GLIS1: variants seen among roughly 807,000 people sequenced by gnomAD.
GLIS1 encodes GLIS family zinc finger 1.
Under a neutral mutation model 63.8 loss-of-function variants are expected in GLIS1, and 24 were observed. The ratio of observed to expected loss-of-function variants is 0.38; its 90% confidence interval spans 0.27 to 0.53. The LOEUF (loss-of-function observed/expected upper bound fraction) is 0.53, where lower values mean the gene tolerates loss of function less well. GLIS1 is among the 20% of genes least tolerant of loss of function. The pLI, the probability that GLIS1 is intolerant of heterozygous loss-of-function variation, is 0.85. For synonymous variants in GLIS1, 450 were observed against 482.5 expected, an observed-to-expected ratio of 0.93 and a Z score of 0.88; for missense variants, 1,036 against 1,074.1, an observed-to-expected ratio of 0.96 and a Z score of 0.50.
chr1:53,700,026 G>T (rs1780395), intron 2 of GLIS1, among the ~76,000 whole-genome samples: 77,175 of 151,976 alleles, frequency 0.51, 21,282 homozygotes, highest in Non-Finnish European at 0.61. Flanking sequence ...GAAGGGCTGG[G>T]ACTCAAATCC....
rs1424627817 is a variant in GLIS1, at chr1:53,594,613, A to G, written c.815T>C (p.Leu272Pro). The G allele has an allele frequency of 4.4e-6, 7 of 1,576,706 alleles. No individual in the cohort carries two copies. ...CCGGAGTCCATTTACACAGGTGACC[A>G]GAGACGTCTGGGAGGAGCGGATGAT... ...TSIIRSSQTS[L>P]VTCVNGLRSP... The change falls in exon 4 of 11, where the codon CTG (leucine) becomes CCG (proline). Residue 272 changes from leucine to proline, a missense_variant. By Grantham distance (98) the Leu-to-Pro change is moderately conservative. Transcript: ENST00000628545.
At position 53,682,029 on chromosome 1, in the gene GLIS1, C is replaced by T. The variant is rs571553223; in HGVS notation, c.259+55777G>A. ...AGTGTTCTTAATCTTTCAACTAATT[C>T]GTTGGCTCTTAGAAAATAAAGGAAA... On this transcript the variant is annotated intron_variant, in intron 2 of 10. Coordinates refer to ENST00000628545, the MANE Select transcript of GLIS1 (RefSeq NM_001367484.1). 7.2e-5 allele frequency among the ~76,000 whole-genome samples: 11 copies of T among 152,342 alleles called. No homozygotes were observed. In the South Asian group the frequency reaches 2.1e-3, roughly 29 times the overall value.
chr1:53,728,268 G>C (rs1245305162), intron 2 of GLIS1, among the ~76,000 whole-genome samples: 2 of 152,208 alleles, frequency 1.3e-5, no homozygotes, highest in African/African-American at 4.8e-5. Context: ...TGGTGGAATG[G>C]AAGGGAGGGA....
intron 2 of GLIS1, among the ~76,000 whole-genome samples, chr1:53,649,842 T>G (rs1376589529): frequency 6.6e-6 from 1 of 152,248 alleles, no homozygotes; most frequent in Non-Finnish European, 1.5e-5. Context: ...AAATATGTGT[T>G]AATCGACTGT....
chr1:53,653,164 C>G (rs531811025), intron 2 of GLIS1, among the ~76,000 whole-genome samples: 1 of 152,240 alleles, frequency 6.6e-6, no homozygotes, highest in African/African-American at 2.4e-5. Context: ...CAAGCCTGAA[C>G]GAAGCAAAGG....
In GLIS1 at chr1:53,527,545, C is replaced by T. The variant is rs181309330; in HGVS notation, c.1482+2246G>A. 2.5e-3 allele frequency among the ~76,000 whole-genome samples: 377 copies of T among 152,346 alleles called. 2 individuals are homozygous for T. The highest frequency in any genetic ancestry group is 2.7e-3 in the Non-Finnish European group (184 of 68,022). On this transcript the variant is annotated intron_variant, in intron 5 of 10. Transcript: ENST00000628545. ...CCTCCAGGACCAGGAGGCATGGCCA[C>T]GGTCAGAACCCTGGCCTGGTCCTCT...
chr1:53,631,077 A>G (rs1365763657), intron 2 of GLIS1, among the ~76,000 whole-genome samples: 1 of 152,000 alleles, frequency 6.6e-6, no homozygotes, highest in Non-Finnish European at 1.5e-5. Context: ...CCAATTTTTT[A>G]TTGCCTTTTA....
Position 53,509,106 on chromosome 1 carries a change from C to T in GLIS1, c.2230+14G>A, listed in dbSNP as rs1192628128. 6.4e-7 allele frequency: 1 copy of T among 1,555,462 alleles called. No homozygotes were observed. Among genetic ancestry groups the T allele is most frequent in the Admixed American group, 1.8e-5 (1 of 55,036 alleles). ...CAGGTGCCCAGGACTGGGAGCCACG[C>T]AGGCAGGGCTCACCTGTGGCAGGCA... On this transcript the variant is annotated intron_variant, in intron 10 of 10. Coordinates refer to ENST00000628545, the MANE Select transcript of GLIS1 (RefSeq NM_001367484.1).
At chr1:53,700,168 C>T (rs1207093825) in intron 2 of GLIS1, among the ~76,000 whole-genome samples, 3 of 152,158 alleles carry the variant, frequency 2.0e-5, no homozygotes, top group Admixed American at 6.5e-5. Context: ...ATCTACAGTG[C>T]GCAAGGCCCT....
At chr1:53,641,982 C>G (rs529639496) in intron 2 of GLIS1, among the ~76,000 whole-genome samples, 18 of 152,350 alleles carry the variant, frequency 1.2e-4, no homozygotes, top group Admixed American at 1.2e-3. Context: ...CTCTCCCTGA[C>G]AAGAGTGTCT....
intron 10 of GLIS1, among the ~76,000 whole-genome samples, chr1:53,508,192 G>C (rs138758283): frequency 1.2e-3 from 188 of 152,310 alleles, no homozygotes; most frequent in South Asian, 9.5e-3. Flanking sequence ...AGCCCTGCCA[G>C]CTCCTGACAC....
In GLIS1 at chr1:53,594,108, C is replaced by G; in HGVS notation, c.1320G>C (p.Met440Ile). The G allele has an allele frequency of 6.2e-7, 1 of 1,606,462 alleles. No individual in the cohort carries two copies. Among genetic ancestry groups the G allele is most frequent in the Non-Finnish European group, 8.5e-7 (1 of 1,174,858 alleles). Reference sequence around the variant, plus strand: ...GGCCTGGCGGCCGGTGGGAACTCACCATGCACTTGTTGGGCTTCTCGCCCG... The same window carrying G: ...GGCCTGGCGGCCGGTGGGAACTCACGATGCACTTGTTGGGCTTCTCGCCCG... The part of the protein sequence containing the change: ...VHSGEKPNKC[M>I]FEGCSKAFSR... The change falls in exon 4 of 11, where the codon ATG (methionine) becomes ATC (isoleucine). Residue 440 changes from methionine (M) to isoleucine (I), a missense_variant and splice_region_variant. Met to Ile is a conservative substitution (Grantham distance 10). This residue lies in a region of GLIS1 where 592 missense variants were observed against 593.9 expected (regional missense o/e 1.00). Coordinates refer to ENST00000628545, the MANE Select transcript of GLIS1 (RefSeq NM_001367484.1).
intron 7 of GLIS1, among the ~76,000 whole-genome samples, chr1:53,518,467 G>A (rs895908325): frequency 1.1e-4 from 16 of 152,320 alleles, no homozygotes; most frequent in African/African-American, 1.4e-4. Context: ...TAAGGTGGAC[G>A]AGTACATAGT....
intron 4 of GLIS1, among the ~76,000 whole-genome samples, chr1:53,565,064 A>T (rs904924988): frequency 2.6e-5 from 4 of 152,074 alleles, no homozygotes; most frequent in African/African-American, 4.8e-5. Context: ...AATTACAGTA[A>T]AATTAAATTA....
chr1:53,738,163 C>T, intron 1 of GLIS1, 57 bp from the exon 2 acceptor site: 1 of 1,075,468 alleles, frequency 9.3e-7, no homozygotes, highest in Non-Finnish European at 1.2e-6. Context: ...CCCGTATTGT[C>T]CCGGGGCCGA....
At chr1:53,564,879 A>G (rs1644924040) in intron 4 of GLIS1, among the ~76,000 whole-genome samples, 1 of 152,072 alleles carries the variant, frequency 6.6e-6, no homozygotes, top group South Asian at 2.1e-4. Context: ...CCTTTCTTTC[A>G]ATTACTAACA....
At chr1:53,520,242 G>C (rs1032970097) in intron 7 of GLIS1, among the ~76,000 whole-genome samples, 5 of 152,186 alleles carry the variant, frequency 3.3e-5, no homozygotes, top group Non-Finnish European at 7.4e-5. Flanking sequence ...CTGGCTGGGT[G>C]TGGACAGTGT....
At chr1:53,701,373 G>A (rs1646520955) in intron 2 of GLIS1, among the ~76,000 whole-genome samples, 1 of 152,116 alleles carries the variant, frequency 6.6e-6, no homozygotes, top group South Asian at 2.1e-4. Flanking sequence ...TCCCGACTCA[G>A]GGAAAGTCTT....
intron 9 of GLIS1, among the ~76,000 whole-genome samples, chr1:53,509,538 C>G (rs544614445): frequency 3.3e-5 from 5 of 152,120 alleles, no homozygotes; most frequent in Non-Finnish European, 1.5e-5. Flanking sequence ...CTGAGTCACC[C>G]GTGGCTGATG....
Sources: allele counts gnomAD v4.1 joint callset (sites outside exome capture counted in the v4.1 genomes callset), GRCh38; gene constraint gnomAD v4.1.1; regional missense constraint gnomAD v4.1.1; transcripts MANE v1.5; gene names NCBI Gene and HGNC (gene_info 2026-07-23, HGNC 2026-07-21).